SYN3: variants seen among roughly 807,000 people sequenced by gnomAD.
The protein encoded by SYN3 is synapsin-3.
In SYN3, 35 loss-of-function variants were observed where a neutral mutation model predicts 65.8. That is an observed-to-expected ratio of 0.53 (90% CI 0.41 to 0.70). SYN3 has a LOEUF of 0.70. SYN3 is among the 30% of genes least tolerant of loss of function. SYN3 has a pLI of 0.00. For missense variants in SYN3, 680 were observed against 749.0 expected (o/e 0.91, Z 1.08); for synonymous variants, 270 against 292.9 (o/e 0.92, Z 0.80).
At chr22:32,710,645 A>AAAAAAAAAAAAAAGAAAG (rs1555931894) in intron 6 of SYN3, among the ~76,000 whole-genome samples, 2 of 126,992 alleles carry the variant, frequency 1.6e-5, no homozygotes, top group African/African-American at 3.5e-5. Flanking sequence ...AAAAAAAAAA[A>AAAAAAAAAAAAAAGAAAG]AAAGAAAGAA....
At chr22:32,579,627 C>A (rs1285269369) in intron 7 of SYN3, among the ~76,000 whole-genome samples, 1 of 152,200 alleles carries the variant, frequency 6.6e-6, no homozygotes, top group Non-Finnish European at 1.5e-5. Flanking sequence ...AGCCATTAGT[C>A]TCAAATTCTC....
At chr22:32,523,626 C>T (rs147190494) in intron 12 of SYN3, among the ~76,000 whole-genome samples, 89 of 152,344 alleles carry the variant, frequency 5.8e-4, no homozygotes, top group Middle Eastern at 6.8e-3. Context: ...TGTCCTTGGG[C>T]CTCCCTTTCC....
intron 6 of SYN3, among the ~76,000 whole-genome samples, chr22:32,749,208 C>T (rs1458132788): frequency 1.3e-5 from 2 of 152,050 alleles, no homozygotes; most frequent in African/African-American, 4.8e-5. Context: ...ATGCCAAAAG[C>T]ATCAGGGGAT....
chr22:32,816,904 T>A (rs1358420628), intron 6 of SYN3, among the ~76,000 whole-genome samples: 1 of 152,154 alleles, frequency 6.6e-6, no homozygotes, highest in African/African-American at 2.4e-5. Flanking sequence ...CAAGGTGTGA[T>A]CCTTGCACCA....
chr22:32,867,324 G>A (rs1394018209), intron 5 of SYN3, among the ~76,000 whole-genome samples: 3 of 152,176 alleles, frequency 2.0e-5, no homozygotes, highest in Non-Finnish European at 4.4e-5. Context: ...CACCGCACAT[G>A]CCCCTGCTCA....
intron 12 of SYN3, among the ~76,000 whole-genome samples, chr22:32,524,203 T>C (rs569865523): frequency 2.6e-5 from 4 of 152,370 alleles, no homozygotes; most frequent in East Asian, 1.9e-4. Flanking sequence ...AGATTATTGA[T>C]GAAAGTGGCT....
chr22:32,632,870 T>C (rs2059765043), intron 6 of SYN3, among the ~76,000 whole-genome samples: 1 of 152,354 alleles, frequency 6.6e-6, no homozygotes, highest in Admixed American at 6.5e-5. Flanking sequence ...GGGACCGCCG[T>C]GGATGTCTTT....
chr22:32,778,516 A>T (rs1010630464), intron 6 of SYN3, among the ~76,000 whole-genome samples: 3 of 151,914 alleles, frequency 2.0e-5, no homozygotes, highest in Non-Finnish European at 4.4e-5. Flanking sequence ...CTGGTCTCGA[A>T]CTCCTGACCT....
intron 6 of SYN3, among the ~76,000 whole-genome samples, chr22:32,633,983 A>T (rs1037338314): frequency 2.0e-5 from 3 of 152,022 alleles, no homozygotes; most frequent in Non-Finnish European, 4.4e-5. Context: ...TTAGAAATGG[A>T]CAGCCTACTT....
intron 6 of SYN3, chr22:32,861,176 GA>G (rs397690270): frequency 0.53 from 75,983 of 143,064 alleles, 20,347 homozygotes; most frequent in African/African-American, 0.67. Context: ...AACAGAAGAA[GA>G]AAAAAAAAAA....
intron 7 of SYN3, among the ~76,000 whole-genome samples, chr22:32,577,912 T>C (rs2058875888): frequency 6.6e-6 from 1 of 152,228 alleles, no homozygotes; most frequent in South Asian, 2.1e-4. Flanking sequence ...TCTTACTTGG[T>C]GTCTTTCTTT....
intron 10 of SYN3, among the ~76,000 whole-genome samples, chr22:32,532,642 C>T (rs1252180843): frequency 1.6e-5 from 2 of 126,214 alleles, no homozygotes; most frequent in South Asian, 4.6e-4. Flanking sequence ...GGTGTGAACA[C>T]CCTCCTGGCA....
intron 6 of SYN3, among the ~76,000 whole-genome samples, chr22:32,636,401 CAA>C (rs57388108): frequency 0.14 from 14,649 of 101,510 alleles, 1,733 homozygotes; most frequent in African/African-American, 0.34. Context: ...GACTCCATCT[CAA>C]AAAAAAAAAA....
At chr22:32,710,075 GCA>G (rs55879257) in intron 6 of SYN3, among the ~76,000 whole-genome samples, 3,685 of 131,286 alleles carry the variant, frequency 0.028, 82 homozygotes, top group African/African-American at 0.057. Flanking sequence ...ATATATATAT[GCA>G]CACACACACA....
rs189054508 is a variant in SYN3, at chr22:32,965,644, C to T, written c.369+15001G>A. ...AATATGATTAATTTCTGGCCCCTGC[C>T]ATTAGATGTTAAGTTCCATCAGGTA... On this transcript the variant is annotated intron_variant, in intron 3 of 13. Transcript: ENST00000358763. 2.6e-4 allele frequency among the ~76,000 whole-genome samples: 39 copies of T among 152,046 alleles called. No homozygotes were observed. The East Asian group carries it at 7.0e-3, about 27-fold the overall frequency.
chr22:32,894,791 G>A (rs1433042038), intron 4 of SYN3, among the ~76,000 whole-genome samples: 1 of 152,184 alleles, frequency 6.6e-6, no homozygotes, highest in Non-Finnish European at 1.5e-5. Context: ...GAGCCATTGT[G>A]GGTGGGCTTC....
chr22:32,558,209 G>T lies in SYN3; in HGVS notation c.775-16496C>A, dbSNP rs959592587. On this transcript the variant is annotated intron_variant, in intron 7 of 13. Transcript: ENST00000358763. ...AGCAAGTGAGGGAATGAGGAGTTAG[G>T]AGGAAAATTAGGAGAAAGGCAATTC... 2.0e-5 allele frequency among the ~76,000 whole-genome samples: 3 copies of T among 152,330 alleles called. No homozygotes were observed. In the East Asian group the frequency reaches 5.8e-4, roughly 29 times the overall value.
At chr22:32,751,733 C>T (rs574356494) in intron 6 of SYN3, among the ~76,000 whole-genome samples, 1 of 152,206 alleles carries the variant, frequency 6.6e-6, no homozygotes, top group East Asian at 1.9e-4. Context: ...CCTCTCAGAG[C>T]CGTTGAGGAA....
Position 32,528,547 on chromosome 22 carries a change from ACATC to A in SYN3, c.1230+323_1230+326del, listed in dbSNP as rs577459151. Among the ~76,000 whole-genome samples the A allele has an allele frequency of 2.4e-4, 36 of 152,326 alleles. No individual in the cohort carries two copies. The South Asian group carries it at 7.0e-3, about 30-fold the overall frequency. ...TATGCTCTCGCACACGCACGCACAC[ACATC>A]CTGCTCAGGCCCAGCACCGAGGGCA... On this transcript the variant is annotated intron_variant, in intron 11 of 13. Coordinates refer to ENST00000358763, the MANE Select transcript of SYN3 (RefSeq NM_003490.4).
Sources: gnomAD v4.1 joint callset for allele counts (sites outside exome capture counted in the v4.1 genomes callset) on GRCh38, gnomAD v4.1.1 for gene constraint, MANE v1.5 for transcripts, NCBI Gene and HGNC (gene_info 2026-07-23, HGNC 2026-07-21) for gene names.